The following ATP2C1 variants were observed in gnomAD, a reference collection of about 807,000 sequenced individuals.
The protein encoded by ATP2C1 is calcium-transporting ATPase type 2C member 1.
Under a neutral mutation model 120.5 loss-of-function variants are expected in ATP2C1, and 31 were observed. That is an observed-to-expected ratio of 0.26 (90% confidence interval 0.19 to 0.35). ATP2C1 has a LOEUF of 0.35. Among genes scored for constraint, ATP2C1 ranks in the 10% least tolerant of loss-of-function variants. The probability of loss-of-function intolerance (pLI) is 1.00; values close to 1 mark genes in which losing one functional copy is unlikely to be tolerated. For synonymous variants in ATP2C1, 351 were observed against 358.7 expected (o/e 0.98, Z 0.24); for missense variants, 731 against 1,107.5 (o/e 0.66, Z 4.83).
chr3:130,997,833 C>T, intron 25 of ATP2C1, 80 bp downstream of exon 25: 4 of 1,510,644 alleles, frequency 2.6e-6, no homozygotes, highest in Non-Finnish European at 2.7e-6. Flanking sequence ...GATGGGTTAC[C>T]CAGAAGGCTG....
intron 8 of ATP2C1, among the ~76,000 whole-genome samples, chr3:130,942,400 A>G (rs545464988): frequency 3.0e-4 from 45 of 152,344 alleles, no homozygotes; most frequent in Admixed American, 2.4e-3. Flanking sequence ...GAATAGATTG[A>G]AGAACTGGAA....
chr3:130,875,001 A>G (rs564807991), intron 1 of ATP2C1, among the ~76,000 whole-genome samples: 1 of 152,204 alleles, frequency 6.6e-6, no homozygotes, highest in Non-Finnish European at 1.5e-5. Flanking sequence ...TTTAGTTCAC[A>G]TGTAATAGTT....
At chr3:130,988,405 T>A (rs189241005) in intron 20 of ATP2C1, among the ~76,000 whole-genome samples, 1 of 152,194 alleles carries the variant, frequency 6.6e-6, no homozygotes, top group Admixed American at 6.5e-5. Flanking sequence ...TCTGAAAATA[T>A]GTGGCCTTGT....
chr3:130,961,205 T>A (rs1282847494), intron 12 of ATP2C1, among the ~76,000 whole-genome samples: 1 of 151,336 alleles, frequency 6.6e-6, no homozygotes, highest in Non-Finnish European at 1.5e-5. Context: ...ATATTAAACA[T>A]TGACATATTA....
intron 12 of ATP2C1, 135 bp downstream of exon 12, chr3:130,959,476 A>C (rs1191026740): frequency 1.7e-6 from 1 of 580,180 alleles, no homozygotes; most frequent in Non-Finnish European, 3.1e-6. Context: ...TAAATAGTTC[A>C]GAAGTCATAT....
intron 22 of ATP2C1, among the ~76,000 whole-genome samples, chr3:130,995,521 A>G (rs1474414628): frequency 6.6e-6 from 1 of 152,250 alleles, no homozygotes; most frequent in African/African-American, 2.4e-5. Flanking sequence ...CTTCTTCAGA[A>G]TAAGAATTTT....
intron 17 of ATP2C1, 33 bp from the exon 18 acceptor site, chr3:130,975,299 A>G: frequency 1.2e-6 from 2 of 1,608,650 alleles, no homozygotes; most frequent in Non-Finnish European, 1.7e-6. Flanking sequence ...ACAAGTTGAA[A>G]TTAAACTTGT....
chr3:131,008,213 G>A (rs529344128), intron 26 of ATP2C1, among the ~76,000 whole-genome samples: 6 of 152,218 alleles, frequency 3.9e-5, no homozygotes, highest in South Asian at 4.1e-4. Context: ...TGGGGAAGGC[G>A]GGTTGCTTGA....
At chr3:130,901,682 A>ATAGC (rs2057832708) in intron 2 of ATP2C1, among the ~76,000 whole-genome samples, 1 of 152,098 alleles carries the variant, frequency 6.6e-6, no homozygotes, top group Non-Finnish European at 1.5e-5. Context: ...TGAGGCTCAT[A>ATAGC]TAGCTATGCA....
intron 17 of ATP2C1, among the ~76,000 whole-genome samples, chr3:130,970,494 G>A (rs1454069156): frequency 1.3e-5 from 2 of 151,778 alleles, no homozygotes; most frequent in African/African-American, 4.8e-5. Context: ...CCTGGCACAA[G>A]TGATCTTCCC....
intron 1 of ATP2C1, among the ~76,000 whole-genome samples, chr3:130,874,208 G>A (rs538771728): frequency 1.1e-4 from 16 of 151,946 alleles, no homozygotes; most frequent in Non-Finnish European, 1.6e-4. Context: ...GATCATCAAT[G>A]TTTAAGAATA....
At chr3:130,924,943 A>G (rs1023975096) in intron 2 of ATP2C1, among the ~76,000 whole-genome samples, 1 of 151,838 alleles carries the variant, frequency 6.6e-6, no homozygotes, top group Non-Finnish European at 1.5e-5. Flanking sequence ...TATTTATGCT[A>G]TATATTTCAC....
chr3:130,954,868 A>C (rs1381622461), intron 9 of ATP2C1, 144 bp from the exon 10 acceptor site: 1 of 678,472 alleles, frequency 1.5e-6, no homozygotes, highest in Non-Finnish European at 2.7e-6. Context: ...TAAAAAAGTA[A>C]ATTTGCTGAG....
chr3:130,877,539 T>C (rs2068642705), intron 1 of ATP2C1, among the ~76,000 whole-genome samples: 1 of 152,086 alleles, frequency 6.6e-6, no homozygotes, highest in South Asian at 2.1e-4. Context: ...CATGAAAAAA[T>C]GCTCATCATC....
chr3:131,003,531 T>C (rs921288513), downstream of ATP2C1, among the ~76,000 whole-genome samples: 4 of 152,156 alleles, frequency 2.6e-5, no homozygotes, highest in African/African-American at 9.7e-5. Flanking sequence ...ATTCACTGAT[T>C]AGGTAAACAG....
At chr3:131,005,509 A>C (rs1197715136), downstream of ATP2C1, among the ~76,000 whole-genome samples, 1 of 152,218 alleles carries the variant, frequency 6.6e-6, no homozygotes, top group Non-Finnish European at 1.5e-5. Flanking sequence ...TGGCTTGAAT[A>C]GTAGAGCTAT....
chr3:130,958,891 G>C (rs2060694778), intron 11 of ATP2C1, among the ~76,000 whole-genome samples: 1 of 152,126 alleles, frequency 6.6e-6, no homozygotes, highest in African/African-American at 2.4e-5. Context: ...TTGCATATTT[G>C]ATATTAAATA....
intron 2 of ATP2C1, among the ~76,000 whole-genome samples, chr3:130,905,572 C>G (rs140576660): frequency 7.2e-4 from 109 of 152,150 alleles, no homozygotes; most frequent in Admixed American, 1.8e-3. Flanking sequence ...CAGGCAAATT[C>G]TGTTTTCAGA....
chr3:130,981,649 T>C (rs998140309), intron 20 of ATP2C1, among the ~76,000 whole-genome samples: 1 of 152,164 alleles, frequency 6.6e-6, no homozygotes, highest in Non-Finnish European at 1.5e-5. Flanking sequence ...TTTTACGAGA[T>C]GGCTTTATTA....
Sources: allele counts gnomAD v4.1 joint callset (sites outside exome capture counted in the v4.1 genomes callset), GRCh38; gene constraint gnomAD v4.1.1; transcripts MANE v1.5; gene names NCBI Gene and HGNC (gene_info 2026-07-23, HGNC 2026-07-21).